Variants in SRPK2 observed in about 807,000 individuals in gnomAD.
SRPK2 encodes SRSF protein kinase 2, also known as SFRS protein kinase 2.
In SRPK2, 21 loss-of-function variants were observed where a neutral mutation model predicts 90.8. The ratio of observed to expected loss-of-function variants is 0.23; its 90% CI spans 0.16 to 0.33. SRPK2 has a LOEUF of 0.33. SRPK2 is among the 10% of genes least tolerant of loss of function. SRPK2 has a pLI of 1.00. For missense variants in SRPK2, 620 were observed against 869.0 expected (o/e 0.71, Z 3.60); for synonymous variants, 288 against 311.1 (o/e 0.93, Z 0.78).
At chr7:105,359,396 G>C (rs1818175988) in intron 2 of SRPK2, among the ~76,000 whole-genome samples, 1 of 151,910 alleles carries the variant, frequency 6.6e-6, no homozygotes, top group African/African-American at 2.4e-5. Flanking sequence ...CTGACCTTGT[G>C]ATCTGCCCTC....
chr7:105,147,890 T>C (rs1023548451), intron 7 of SRPK2, among the ~76,000 whole-genome samples: 2 of 152,218 alleles, frequency 1.3e-5, no homozygotes, highest in African/African-American at 2.4e-5. Context: ...AGATACAACA[T>C]TGTGTTTATC....
At chr7:105,239,053 C>CA (rs1184588103) in intron 2 of SRPK2, among the ~76,000 whole-genome samples, 3 of 152,104 alleles carry the variant, frequency 2.0e-5, no homozygotes, top group South Asian at 2.1e-4. Flanking sequence ...ATAAGCAAGC[C>CA]AAAAAACATA....
intron 3 of SRPK2, among the ~76,000 whole-genome samples, chr7:105,202,486 T>C (rs1795685214): frequency 6.6e-6 from 1 of 152,326 alleles, no homozygotes; most frequent in Non-Finnish European, 1.5e-5. Context: ...AATCAGTAAG[T>C]TAAGTGACAA....
chr7:105,389,014 G>A (rs865829579), upstream of SRPK2: 1,336 of 883,314 alleles, frequency 1.5e-3, 12 homozygotes, highest in African/African-American at 0.043. Context: ...CGCCGGCCCC[G>A]GGGGTCGGGA....
chr7:105,149,336 G>T (rs190685132), intron 7 of SRPK2, among the ~76,000 whole-genome samples: 338 of 152,254 alleles, frequency 2.2e-3, no homozygotes, highest in East Asian at 8.3e-3. Flanking sequence ...TAAATCTGGT[G>T]TACGTGCACG....
At chr7:105,397,491 G>C (rs559516281) in intron 1 of SRPK2, among the ~76,000 whole-genome samples, 91 of 149,856 alleles carry the variant, frequency 6.1e-4, no homozygotes, top group Non-Finnish European at 5.9e-5. Context: ...CACCATGCCC[G>C]GGTAATTTTT....
chr7:105,311,030 C>A (rs936354539), intron 2 of SRPK2, among the ~76,000 whole-genome samples: 20 of 151,988 alleles, frequency 1.3e-4, no homozygotes, highest in African/African-American at 4.8e-4. Flanking sequence ...TCCTTAACCG[C>A]TTAGTTGACT....
At chr7:105,253,012 G>A (rs1802694521) in intron 2 of SRPK2, among the ~76,000 whole-genome samples, 1 of 152,004 alleles carries the variant, frequency 6.6e-6, no homozygotes, top group Non-Finnish European at 1.5e-5. Flanking sequence ...CAAAGTCCTG[G>A]GATTACAGGC....
chr7:105,369,125 TTTATTATTATTATTATTA>T (rs10593124), intron 2 of SRPK2, among the ~76,000 whole-genome samples: 11 of 143,322 alleles, frequency 7.7e-5, no homozygotes, highest in Admixed American at 5.7e-4. Flanking sequence ...CAAGATTTAT[TTTATTATTATTATTATTA>T]TTATTATTAT....
chr7:105,310,885 G>A (rs1221100615), intron 2 of SRPK2, among the ~76,000 whole-genome samples: 1 of 152,130 alleles, frequency 6.6e-6, no homozygotes, highest in East Asian at 1.9e-4. Flanking sequence ...ACTAAGTTAT[G>A]TCTCAATTTT....
intron 2 of SRPK2, among the ~76,000 whole-genome samples, chr7:105,366,140 A>G (rs1271048924): frequency 6.6e-6 from 1 of 152,018 alleles, no homozygotes; most frequent in African/African-American, 2.4e-5. Flanking sequence ...GGCATGAGCC[A>G]CCGCACCCGG....
At chr7:105,208,644 A>T (rs983670648) in intron 2 of SRPK2, among the ~76,000 whole-genome samples, 2 of 152,132 alleles carry the variant, frequency 1.3e-5, no homozygotes, top group Non-Finnish European at 2.9e-5. Flanking sequence ...GGGGAAATGG[A>T]GAAAAAAGGA....
chr7:105,345,912 G>A (rs1273353548), intron 2 of SRPK2, among the ~76,000 whole-genome samples: 1 of 152,218 alleles, frequency 6.6e-6, no homozygotes, highest in Non-Finnish European at 1.5e-5. Context: ...CTATGATACT[G>A]GACATCACAG....
chr7:105,118,118 A>C, intron 15 of SRPK2, 96 bp from the exon 16 acceptor site: 1 of 1,226,274 alleles, frequency 8.2e-7, no homozygotes. Flanking sequence ...GCGGACAACC[A>C]CCTGCTCAAC....
At chr7:105,172,886 CACTAGTATATGTT>C (rs1159320847) in intron 3 of SRPK2, among the ~76,000 whole-genome samples, 1 of 152,136 alleles carries the variant, frequency 6.6e-6, no homozygotes, top group Non-Finnish European at 1.5e-5. Flanking sequence ...AAACCTGTAT[CACTAGTATATGTT>C]TCAGATTCAA....
intron 2 of SRPK2, among the ~76,000 whole-genome samples, chr7:105,220,600 A>G (rs535652720): frequency 6.6e-6 from 1 of 152,334 alleles, no homozygotes; most frequent in South Asian, 2.1e-4. Context: ...ATTAAGAAAA[A>G]AAGTCTAGCT....
At chr7:105,381,860 C>T (rs2132671360) in intron 2 of SRPK2, among the ~76,000 whole-genome samples, 1 of 152,148 alleles carries the variant, frequency 6.6e-6, no homozygotes, top group African/African-American at 2.4e-5. Flanking sequence ...AAACTTGTAT[C>T]ATTACATTCC....
At chr7:105,378,065 A>G (rs1216259044) in intron 2 of SRPK2, among the ~76,000 whole-genome samples, 1 of 152,022 alleles carries the variant, frequency 6.6e-6, no homozygotes, top group Non-Finnish European at 1.5e-5. Flanking sequence ...AGCCCTATTT[A>G]TTGCTTACCA....
At chr7:105,355,030 TATA>T (rs1215940343) in intron 2 of SRPK2, among the ~76,000 whole-genome samples, 1 of 152,206 alleles carries the variant, frequency 6.6e-6, no homozygotes, top group Non-Finnish European at 1.5e-5. Context: ...TTTGATCCAG[TATA>T]ATGTTTTCAA....
Sources: allele counts gnomAD v4.1 joint callset (sites outside exome capture counted in the v4.1 genomes callset), GRCh38; gene constraint gnomAD v4.1.1; transcripts MANE v1.5; gene names NCBI Gene and HGNC (gene_info 2026-07-23, HGNC 2026-07-21).